Variants in SHTN1 observed in about 807,000 individuals in gnomAD.
SHTN1 encodes the protein shootin 1.
Under a neutral mutation model 83.1 loss-of-function variants are expected in SHTN1, and 42 were observed. The ratio of observed to expected loss-of-function variants is 0.51; its 90% confidence interval spans 0.39 to 0.65. The LOEUF is 0.65. Ranked by LOEUF, SHTN1 falls within the 30% of genes least tolerant of loss-of-function variation. The pLI, the probability that SHTN1 is intolerant of heterozygous loss-of-function variation, is 0.00. For missense variants in SHTN1, 622 were observed against 737.8 expected, an observed-to-expected ratio of 0.84 and a Z score of 1.82; for synonymous variants, 224 against 247.7, an observed-to-expected ratio of 0.90 and a Z score of 0.90.
At chr10:116,967,513 C>T (rs188945987) in intron 3 of SHTN1, among the ~76,000 whole-genome samples, 1 of 152,264 alleles carries the variant, frequency 6.6e-6, no homozygotes, top group East Asian at 1.9e-4. Flanking sequence ...GATTATTATA[C>T]ACCTGTGAAA....
chr10:116,927,690 G>C (rs1183326350), intron 11 of SHTN1, 102 bp downstream of exon 11: 7 of 1,379,736 alleles, frequency 5.1e-6, no homozygotes, highest in Middle Eastern at 2.1e-4. Context: ...TCCAAGAGAA[G>C]CATCAGCTAG....
chr10:117,060,229 T>C (rs1360424692), intron 1 of SHTN1, among the ~76,000 whole-genome samples: 2 of 151,822 alleles, frequency 1.3e-5, no homozygotes, highest in East Asian at 1.9e-4. Flanking sequence ...TCTCTAAAAA[T>C]AAAAATAAAA....
At chr10:116,905,916 C>T (rs1363544443) in intron 15 of SHTN1, among the ~76,000 whole-genome samples, 1 of 152,190 alleles carries the variant, frequency 6.6e-6, no homozygotes, top group Admixed American at 6.5e-5. Flanking sequence ...AGGCCTAATA[C>T]AGACCTAATG....
At chr10:116,915,709 T>G (rs1460096614) in intron 12 of SHTN1, among the ~76,000 whole-genome samples, 2 of 152,160 alleles carry the variant, frequency 1.3e-5, no homozygotes, top group South Asian at 4.1e-4. Context: ...TTATAAAAAT[T>G]TGTAGCCTGG....
intron 2 of SHTN1, among the ~76,000 whole-genome samples, chr10:117,029,954 T>C (rs1454818131): frequency 6.7e-6 from 1 of 149,508 alleles, no homozygotes; most frequent in African/African-American, 2.5e-5. Context: ...GTGTCAACTA[T>C]CTTGGCTCAC....
intron 1 of SHTN1, among the ~76,000 whole-genome samples, chr10:117,084,616 G>A (rs1853319408): frequency 1.3e-5 from 2 of 152,210 alleles, no homozygotes. Context: ...CTGGGCAATG[G>A]TGGGAGTCCC....
intron 9 of SHTN1, among the ~76,000 whole-genome samples, chr10:116,930,539 G>A (rs1294296637): frequency 6.6e-6 from 1 of 152,126 alleles, no homozygotes; most frequent in South Asian, 2.1e-4. Flanking sequence ...TTCCATTCAT[G>A]TTGCTACAAA....
intron 2 of SHTN1, among the ~76,000 whole-genome samples, chr10:117,029,559 G>A (rs1041179424): frequency 6.6e-6 from 1 of 152,174 alleles, no homozygotes; most frequent in Admixed American, 6.5e-5. Flanking sequence ...CCTGGTGGGA[G>A]GTGATTGAAT....
intron 1 of SHTN1, among the ~76,000 whole-genome samples, chr10:116,991,053 G>GC (rs2133512317): frequency 6.6e-6 from 1 of 152,232 alleles, no homozygotes; most frequent in South Asian, 2.1e-4. Context: ...AGGCGCGGTG[G>GC]TGGGCGCCTG....
chr10:116,956,550 C>T (rs1171944047), intron 4 of SHTN1, among the ~76,000 whole-genome samples: 1 of 152,130 alleles, frequency 6.6e-6, no homozygotes, highest in African/African-American at 2.4e-5. Flanking sequence ...GTCTAATTAT[C>T]CTTTGGAAAT....
At chr10:117,025,027 A>G (rs923557230) in intron 2 of SHTN1, among the ~76,000 whole-genome samples, 1 of 152,204 alleles carries the variant, frequency 6.6e-6, no homozygotes, top group Non-Finnish European at 1.5e-5. Context: ...GCAGAAGAGA[A>G]GACTCCACTG....
chr10:116,906,564 A>T lies in SHTN1; in HGVS notation c.1480+63T>A, dbSNP rs928724257. 2.0e-6 allele frequency: 3 copies of T among 1,481,260 alleles called. No homozygotes were observed. In the African/African-American group the frequency reaches 4.3e-5, roughly 21 times the overall value. 91.8% of individuals were successfully genotyped at this position (1,481,260 alleles called of 1,614,324 possible). A position where few individuals can be genotyped will look rare whatever the true frequency, so the allele number is the denominator to read the frequency against. ...TTAAAAGATTGTTTCATGTAAAAAG[A>T]GACTTAGAAGAAGATGTTTCAGAGA... On this transcript the variant is annotated intron_variant, in intron 15 of 16. Coordinates refer to ENST00000355371, the MANE Select transcript of SHTN1 (RefSeq NM_001127211.3).
chr10:116,922,549 A>G (rs925881973), intron 11 of SHTN1, among the ~76,000 whole-genome samples: 3 of 152,220 alleles, frequency 2.0e-5, no homozygotes, highest in Non-Finnish European at 4.4e-5. Flanking sequence ...AGAACTGGTA[A>G]TAACTCAAAT....
At chr10:117,103,630 C>A (rs1472787258) in intron 1 of SHTN1, among the ~76,000 whole-genome samples, 7 of 146,542 alleles carry the variant, frequency 4.8e-5, no homozygotes. Flanking sequence ...TTCTGCCTCC[C>A]AGGTTCACGC....
Position 117,108,671 on chromosome 10 carries a change from C to T in SHTN1, c.-189+17636G>A, listed in dbSNP as rs183753809. Among the ~76,000 whole-genome samples the T allele has an allele frequency of 2.9e-3, 436 of 151,326 alleles. 2 individuals carry two copies. The highest frequency in any genetic ancestry group is 0.01 in the African/African-American group (421 of 41,198). ...TGTATACATATGTAACAAACCTGCA[C>T]GTTGTGCACATGTACCCTAGAACTT... is the stretch of plus-strand genomic sequence containing the variant. On this transcript the variant is annotated intron_variant, in intron 1 of 17. Coordinates refer to the SHTN1 transcript ENST00000392901.
intron 2 of SHTN1, among the ~76,000 whole-genome samples, chr10:117,031,712 G>C (rs1852418511): frequency 6.6e-6 from 1 of 152,082 alleles, no homozygotes; most frequent in South Asian, 2.1e-4. Context: ...GTATTTGCAA[G>C]CCTCATGGCA....
chr10:116,884,314 A>C lies in SHTN1; in HGVS notation c.*2030T>G, dbSNP rs1287250326. 1 of 452,146 alleles carries C rather than the reference A, an allele frequency of 2.2e-6. No homozygotes were observed. Among genetic ancestry groups the C allele is most frequent in the Admixed American group, 2.4e-5 (1 of 42,500 alleles). 28.0% of individuals were successfully genotyped at this position (452,146 alleles called of 1,614,324 possible). On this transcript the variant is annotated 3_prime_UTR_variant, in exon 17 of 17. Transcript: ENST00000355371. ...TCAAAACCAAAGTGAAAAGGGAAAA[A>C]CTGTAGGCAGAAAAAGGTGAGTGAA...
intron 16 of SHTN1, among the ~76,000 whole-genome samples, chr10:116,892,430 A>G (rs2133305428): frequency 6.6e-6 from 1 of 152,330 alleles, no homozygotes; most frequent in African/African-American, 2.4e-5. Context: ...ATAATTCTGC[A>G]CAACATTAAG....
chr10:116,910,720 A>T (rs116947821), intron 14 of SHTN1, among the ~76,000 whole-genome samples: 4 of 152,332 alleles, frequency 2.6e-5, no homozygotes, highest in Middle Eastern at 3.4e-3. Context: ...TGTCATAGGG[A>T]GTTCTCCTTA....
Sources: gnomAD v4.1 joint callset for allele counts (sites outside exome capture counted in the v4.1 genomes callset) on GRCh38, gnomAD v4.1.1 for gene constraint, MANE v1.5 for transcripts, NCBI Gene and HGNC (gene_info 2026-07-23, HGNC 2026-07-21) for gene names.